The following NR1H4 variants were observed in gnomAD, a reference collection of about 807,000 sequenced individuals.
NR1H4 encodes the protein nuclear receptor subfamily 1 group H member 4.
A neutral mutation model predicts 58.5 loss-of-function variants in NR1H4; 23 were observed. The observed-to-expected ratio is 0.39, with a 90% CI of 0.28 to 0.56. The LOEUF is 0.56. Among genes scored for constraint, NR1H4 ranks in the 20% least tolerant of loss-of-function variants. The pLI, the probability that NR1H4 is intolerant of heterozygous loss-of-function variation, is 0.58. For missense variants in NR1H4, 487 were observed against 576.9 expected (o/e 0.84, Z 1.60); for synonymous variants, 214 against 198.0 (o/e 1.08, Z -0.68).
chr12:100,561,558 C>T (rs1204224469), intron 9 of NR1H4, among the ~76,000 whole-genome samples: 2 of 152,126 alleles, frequency 1.3e-5, no homozygotes, highest in Non-Finnish European at 2.9e-5. Flanking sequence ...CACTAAATCC[C>T]ATCTGGAAAA....
At chr12:100,531,038 A>G (rs1038495357) in intron 4 of NR1H4, among the ~76,000 whole-genome samples, 1 of 152,218 alleles carries the variant, frequency 6.6e-6, no homozygotes, top group African/African-American at 2.4e-5. Context: ...TCTTAGGTCC[A>G]TGTGAAGAGA....
chr12:100,556,648 T>C (rs1955336021), intron 9 of NR1H4, among the ~76,000 whole-genome samples: 1 of 152,186 alleles, frequency 6.6e-6, no homozygotes. Context: ...TATATATGTT[T>C]CACCAAAGGC....
chr12:100,562,324 C>G (rs1288048237), intron 10 of NR1H4, among the ~76,000 whole-genome samples: 1 of 151,940 alleles, frequency 6.6e-6, no homozygotes, highest in African/African-American at 2.4e-5. Flanking sequence ...AATGAAGAAA[C>G]AATATTTTTT....
intron 9 of NR1H4, among the ~76,000 whole-genome samples, chr12:100,558,204 C>CAAAAAAAAAAA (rs569114964): frequency 3.5e-5 from 3 of 84,804 alleles, no homozygotes; most frequent in East Asian, 3.8e-4. Flanking sequence ...ACTAAAAATA[C>CAAAAAAAAAAA]AAAAAAAAAA....
chr12:100,503,587 A>T, intron 3 of NR1H4: 1 of 1,299,018 alleles, frequency 7.7e-7, no homozygotes, highest in Non-Finnish European at 1.0e-6. Context: ...ACAGTAACAG[A>T]TGTCTGTCAA....
chr12:100,524,345 G>A (rs1013068479), intron 4 of NR1H4, among the ~76,000 whole-genome samples: 1 of 152,186 alleles, frequency 6.6e-6, no homozygotes, highest in Non-Finnish European at 1.5e-5. Flanking sequence ...GCACCTCCCA[G>A]TGCTGGAATT....
At chr12:100,540,015 G>C (rs1183042192) in intron 8 of NR1H4, among the ~76,000 whole-genome samples, 2 of 152,184 alleles carry the variant, frequency 1.3e-5, no homozygotes, top group African/African-American at 4.8e-5. Flanking sequence ...AACACAAAGA[G>C]TAGAGGGAAT....
At chr12:100,536,474 C>T (rs775286777) in intron 6 of NR1H4, 38 bp from the exon 7 acceptor site, 9 of 1,197,068 alleles carry the variant, frequency 7.5e-6, no homozygotes, top group Non-Finnish European at 1.1e-5. Context: ...GCTTTATACA[C>T]ATCTTCCCTA....
At chr12:100,537,618 A>C (rs915474876) in intron 8 of NR1H4, among the ~76,000 whole-genome samples, 4 of 152,344 alleles carry the variant, frequency 2.6e-5, no homozygotes, top group Middle Eastern at 3.4e-3. Context: ...TTCAGGGAGG[A>C]TCATATTTGA....
intron 8 of NR1H4, among the ~76,000 whole-genome samples, chr12:100,540,275 A>G (rs573232303): frequency 6.6e-6 from 1 of 152,280 alleles, no homozygotes; most frequent in South Asian, 2.1e-4. Context: ...GAGTTAGCCA[A>G]ATATTCTGGG....
intron 8 of NR1H4, among the ~76,000 whole-genome samples, chr12:100,538,680 T>A (rs919752793): frequency 1.3e-5 from 2 of 152,220 alleles, no homozygotes; most frequent in African/African-American, 4.8e-5. Context: ...TACTATAATA[T>A]TAAATTATAG....
intron 3 of NR1H4, among the ~76,000 whole-genome samples, chr12:100,506,002 A>AACAC (rs398020830): frequency 0.037 from 5,182 of 141,042 alleles, 101 homozygotes; most frequent in East Asian, 0.061. Flanking sequence ...AAGTGTTTAT[A>AACAC]ACACACACAC....
At chr12:100,553,215 G>A (rs1955245675) in intron 9 of NR1H4, among the ~76,000 whole-genome samples, 1 of 152,110 alleles carries the variant, frequency 6.6e-6, no homozygotes, top group Non-Finnish European at 1.5e-5. Context: ...AGCCAGGATG[G>A]TCTTGATCTC....
chr12:100,547,384 G>A (rs913963353), intron 9 of NR1H4, among the ~76,000 whole-genome samples: 16 of 152,184 alleles, frequency 1.1e-4, no homozygotes, highest in Admixed American at 9.8e-4. Context: ...ATCCACTATG[G>A]CTCCCTACCA....
At chr12:100,545,273 T>C (rs960834770) in intron 9 of NR1H4, among the ~76,000 whole-genome samples, 1 of 151,902 alleles carries the variant, frequency 6.6e-6, no homozygotes, top group African/African-American at 2.4e-5. Context: ...CCACTGTGGT[T>C]CAGCTAAAAG....
chr12:100,510,761 T>G lies in NR1H4; in HGVS notation c.80-17T>G, dbSNP rs1455725185. On this transcript the variant is annotated splice_polypyrimidine_tract_variant and intron_variant, in intron 3 of 10. Transcript: ENST00000392986. ...AATGATGACATTCATTCCAGTTTTG[T>G]TGTCACTTTTGTTCAGGTGTTTTAA... 3 of 1,613,806 alleles carry G rather than the reference T, an allele frequency of 1.9e-6. No individual in the cohort carries two copies. Among genetic ancestry groups the G allele is most frequent in the Non-Finnish European group, 1.7e-6 (2 of 1,179,828 alleles).
Position 100,563,702 on chromosome 12 carries a change from GCATT to G in NR1H4, c.*215_*218del, listed in dbSNP as rs1955524646. On this transcript the variant is annotated 3_prime_UTR_variant, in exon 11 of 11. Coordinates refer to ENST00000392986, the MANE Select transcript of NR1H4 (RefSeq NM_001206979.2). Reference sequence around the variant, plus strand: ...GTTTTAAAAGGCTCCAGGGAATCCTGCATTCTAATTGGCAAGCCCTGTTTGCCTA... The same window carrying G: ...GTTTTAAAAGGCTCCAGGGAATCCTGCTAATTGGCAAGCCCTGTTTGCCTA... 9.0e-6 allele frequency: 5 copies of G among 554,486 alleles called. No individual in the cohort carries two copies. The highest frequency in any genetic ancestry group is 1.6e-5 in the Non-Finnish European group (5 of 314,110). The allele number at this position is 554,486 out of a possible 1,614,324, so 34.3% of individuals were successfully genotyped here. A position where few individuals can be genotyped will look rare whatever the true frequency, so the allele number is the denominator to read the frequency against.
At chr12:100,559,165 TG>T (rs1555197874) in intron 9 of NR1H4, among the ~76,000 whole-genome samples, 1 of 718 alleles carries the variant, frequency 1.4e-3, no homozygotes, top group African/African-American at 4.1e-3. Context: ...AGAAAGTATG[TG>T]ATGTGATCTG....
chr12:100,547,935 T>C (rs944650993), intron 9 of NR1H4, among the ~76,000 whole-genome samples: 2 of 150,934 alleles, frequency 1.3e-5, no homozygotes, highest in East Asian at 4.0e-4. Context: ...TTAGCCAGGA[T>C]GGTCTCGATC....
Sources: gnomAD v4.1 joint callset for allele counts (sites outside exome capture counted in the v4.1 genomes callset) on GRCh38, gnomAD v4.1.1 for gene constraint, MANE v1.5 for transcripts, NCBI Gene and HGNC (gene_info 2026-07-23, HGNC 2026-07-21) for gene names.